Variants in DYM observed in about 807,000 individuals in gnomAD.
DYM encodes dymeclin, also known as dyggve-Melchior-Clausen syndrome protein.
Under a neutral mutation model 93.1 loss-of-function variants are expected in DYM, and 78 were observed. That is an observed-to-expected ratio of 0.84 (90% CI 0.70 to 1.01). The LOEUF (loss-of-function observed/expected upper bound fraction) is 1.01. DYM is among the 50% of genes least tolerant of loss of function. The pLI, the probability that DYM is intolerant of heterozygous loss-of-function variation, is 0.00. For synonymous variants in DYM, 321 were observed against 319.7 expected (o/e 1.00, Z -0.04); for missense variants, 789 against 845.0 (o/e 0.93, Z 0.82).
chr18:49,346,741 A>T (rs1171931786), intron 6 of DYM, among the ~76,000 whole-genome samples: 1 of 152,224 alleles, frequency 6.6e-6, no homozygotes, highest in Non-Finnish European at 1.5e-5. Context: ...GAAAAAGAAT[A>T]AAGTTCAAAA....
intron 14 of DYM, among the ~76,000 whole-genome samples, chr18:49,193,428 T>A (rs2091162648): frequency 6.6e-6 from 1 of 152,212 alleles, no homozygotes; most frequent in Non-Finnish European, 1.5e-5. Flanking sequence ...TGTAAAACTG[T>A]TGTGCAAAAC....
intron 17 of DYM, among the ~76,000 whole-genome samples, chr18:49,079,733 A>G (rs1322402927): frequency 6.6e-6 from 1 of 151,798 alleles, no homozygotes; most frequent in African/African-American, 2.4e-5. Flanking sequence ...AAGGTCACCG[A>G]TCAACAGGAT....
At chr18:49,211,655 A>G (rs771696913) in intron 13 of DYM, among the ~76,000 whole-genome samples, 5 of 152,208 alleles carry the variant, frequency 3.3e-5, no homozygotes, top group African/African-American at 7.2e-5. Context: ...ACTACTATCT[A>G]CTGCATGTGG....
At position 49,282,577 on chromosome 18, in the gene DYM, C is replaced by T. The variant is rs188969668; in HGVS notation, c.947-402G>A. ...GCAGTGAGCCGAGCTCACGCCACTG[C>T]ACTTCAGCCTGGGCGAGAGTGAGAC... On this transcript the variant is annotated intron_variant, in intron 9 of 17. Coordinates refer to ENST00000675505, the MANE Select transcript of DYM (RefSeq NM_001353214.3). Among the ~76,000 whole-genome samples, 16 of 152,318 alleles carry T rather than the reference C, an allele frequency of 1.1e-4. No individual in the cohort carries two copies. The East Asian group carries it at 3.1e-3, about 29-fold the overall frequency.
At chr18:49,240,224 C>A (rs2093977709) in intron 13 of DYM, among the ~76,000 whole-genome samples, 1 of 152,128 alleles carries the variant, frequency 6.6e-6, no homozygotes, top group South Asian at 2.1e-4. Flanking sequence ...ATCCACTCTA[C>A]CTATCTCATC....
At chr18:49,350,266 T>G (rs77959448) in intron 6 of DYM, among the ~76,000 whole-genome samples, 14,431 of 152,192 alleles carry the variant, frequency 0.095, 890 homozygotes, top group East Asian at 0.31. Context: ...TTTCATAAGA[T>G]ACTGATTAAA....
At chr18:49,460,257 G>C (rs931089657) in intron 1 of DYM, 141 bp downstream of exon 1, 5 of 152,098 alleles carry the variant, frequency 3.3e-5, no homozygotes, top group African/African-American at 1.2e-4. Context: ...CCCGCGGGCA[G>C]GGAAGGGAGG....
At chr18:49,229,623 T>C (rs1317500309) in intron 13 of DYM, among the ~76,000 whole-genome samples, 2 of 152,188 alleles carry the variant, frequency 1.3e-5, no homozygotes, top group Admixed American at 6.5e-5. Context: ...CACTAATTTC[T>C]GGTGAAGATG....
chr18:49,154,188 G>C (rs2086129802), intron 15 of DYM, among the ~76,000 whole-genome samples: 1 of 152,096 alleles, frequency 6.6e-6, no homozygotes, highest in South Asian at 2.1e-4. Flanking sequence ...GAAAGACTTA[G>C]GAGACATGAC....
intron 1 of DYM, among the ~76,000 whole-genome samples, chr18:49,441,313 TA>T (rs2081586786): frequency 2.9e-5 from 2 of 68,814 alleles, no homozygotes; most frequent in Non-Finnish European, 4.9e-5. Context: ...ATATAATTAA[TA>T]TATAATTATA....
chr18:49,399,215 A>C (rs2070480470), intron 2 of DYM, among the ~76,000 whole-genome samples: 1 of 152,124 alleles, frequency 6.6e-6, no homozygotes. Context: ...CAGGATGTGC[A>C]CTCAACGTAC....
chr18:49,317,936 T>C (rs931365966), intron 8 of DYM, among the ~76,000 whole-genome samples: 9 of 151,972 alleles, frequency 5.9e-5, no homozygotes, highest in African/African-American at 2.2e-4. Context: ...TTCTTCATAT[T>C]CTAGAGGGGA....
intron 8 of DYM, among the ~76,000 whole-genome samples, chr18:49,330,444 GTTAAATTCATGTT>G (rs1217477741): frequency 1.3e-5 from 2 of 152,142 alleles, no homozygotes; most frequent in Middle Eastern, 3.4e-3. Context: ...AAGATCTAAA[GTTAAATTCATGTT>G]TTTTGGCACC....
At chr18:49,336,633 T>A (rs1326255593) in intron 6 of DYM, among the ~76,000 whole-genome samples, 1 of 152,242 alleles carries the variant, frequency 6.6e-6, no homozygotes, top group Non-Finnish European at 1.5e-5. Context: ...TCATATGATG[T>A]TCAACAAATA....
intron 14 of DYM, among the ~76,000 whole-genome samples, chr18:49,173,488 C>T (rs1183506938): frequency 1.3e-5 from 2 of 152,030 alleles, no homozygotes; most frequent in African/African-American, 4.8e-5. Flanking sequence ...TTATAGTTTT[C>T]AGTGTACCAG....
chr18:49,385,716 T>C (rs1382654701), intron 3 of DYM, among the ~76,000 whole-genome samples: 3 of 150,846 alleles, frequency 2.0e-5, no homozygotes, highest in South Asian at 4.2e-4. Context: ...AGAAATCTGA[T>C]CCAGAAAACC....
At chr18:49,233,327 C>G (rs991010858) in intron 13 of DYM, among the ~76,000 whole-genome samples, 2 of 150,850 alleles carry the variant, frequency 1.3e-5, no homozygotes, top group African/African-American at 4.9e-5. Flanking sequence ...CTACTGCACT[C>G]CATCCTGGGT....
chr18:49,152,011 T>C (rs1600170750), intron 15 of DYM, among the ~76,000 whole-genome samples: 1 of 152,248 alleles, frequency 6.6e-6, no homozygotes, highest in Non-Finnish European at 1.5e-5. Flanking sequence ...CACTGGTTTT[T>C]AGAAATCTAT....
At chr18:49,356,601 C>T (rs2065589249) in intron 6 of DYM, among the ~76,000 whole-genome samples, 1 of 152,158 alleles carries the variant, frequency 6.6e-6, no homozygotes, top group Non-Finnish European at 1.5e-5. Context: ...AAGGCATTTT[C>T]CCAATAGCTA....
Sources: gnomAD v4.1 joint callset for allele counts (sites outside exome capture counted in the v4.1 genomes callset) on GRCh38, gnomAD v4.1.1 for gene constraint, MANE v1.5 for transcripts, NCBI Gene and HGNC (gene_info 2026-07-23, HGNC 2026-07-21) for gene names.